Variants in HEATR5B observed in about 807,000 individuals in gnomAD.
The protein encoded by HEATR5B is HEAT repeat-containing protein 5B.
A neutral mutation model predicts 224.1 loss-of-function variants in HEATR5B; 156 were observed. That is an observed-to-expected ratio of 0.70 (90% CI 0.61 to 0.80). HEATR5B has a LOEUF of 0.80. HEATR5B is among the 30% of genes least tolerant of loss of function. HEATR5B has a pLI of 0.00. For missense variants in HEATR5B, 2,323 were observed against 2,535.5 expected, an observed-to-expected ratio of 0.92 and a Z score of 1.80; for synonymous variants, 1,027 against 893.0, an observed-to-expected ratio of 1.15 and a Z score of -2.68.
chr2:36,999,156 C>G (rs62133078), intron 33 of HEATR5B, among the ~76,000 whole-genome samples: 1 of 151,636 alleles, frequency 6.6e-6, no homozygotes, highest in Middle Eastern at 3.2e-3. Context: ...GAGGCGGAGG[C>G]TGTGGTGAGC....
intron 22 of HEATR5B, among the ~76,000 whole-genome samples, chr2:37,029,147 G>A (rs1668961881): frequency 6.6e-6 from 1 of 152,134 alleles, no homozygotes; most frequent in African/African-American, 2.4e-5. Context: ...CTGAGATATT[G>A]TAAACAAATC....
intron 33 of HEATR5B, among the ~76,000 whole-genome samples, chr2:36,992,129 C>G (rs1303916075): frequency 6.6e-6 from 1 of 152,010 alleles, no homozygotes; most frequent in Non-Finnish European, 1.5e-5. Context: ...ATCCGGGAAG[C>G]AGAGGTTGCA....
At position 37,049,850 on chromosome 2, in the gene HEATR5B, T is replaced by TTA; in HGVS notation, c.2506-8_2506-7insTA. 1.0e-6 allele frequency: 1 copy of TTA among 1,000,686 alleles called. No individual in the cohort carries two copies. Among genetic ancestry groups the TTA allele is most frequent in the Admixed American group, 5.0e-5 (1 of 20,174 alleles). The allele number at this position is 1,000,686 out of a possible 1,614,324, so 62.0% of individuals were successfully genotyped here. A position where few individuals can be genotyped will look rare whatever the true frequency, so the allele number is the denominator to read the frequency against. The stretch of plus-strand genomic sequence containing the variant: ...TTTTGTTTTCAGCTAAGCCCTACAT[T>TTA]AAAAAAAAAAAAAAAAAAAAGACAG... On this transcript the variant is annotated splice_polypyrimidine_tract_variant and splice_region_variant and intron_variant, in intron 17 of 35. Transcript: ENST00000233099.
In HEATR5B at chr2:37,064,749, G is replaced by A. The variant is rs376338251; in HGVS notation, c.1575C>T (p.Ala525=). The A allele has an allele frequency of 1.9e-6, 3 of 1,613,864 alleles. No individual in the cohort carries two copies. The highest frequency in any genetic ancestry group is 1.7e-6 in the Non-Finnish European group (2 of 1,179,936). Residue 525 remains alanine, a synonymous_variant, in exon 10 of 36, where the codon GCC becomes GCT. Coordinates refer to ENST00000233099, the MANE Select transcript of HEATR5B (RefSeq NM_019024.3). ...VHQCPLGIPH[A]KGKMVVSIAE... ...AGGATCTCCGTCATACCTTTCCTTTGGCATGAGGAATGCCCAAAGGACACT... is the reference window on the plus strand; with the variant it reads ...AGGATCTCCGTCATACCTTTCCTTTAGCATGAGGAATGCCCAAAGGACACT...
At chr2:37,020,857 C>CA in intron 24 of HEATR5B, 21 bp from the exon 25 acceptor site, 2 of 1,377,754 alleles carry the variant, frequency 1.5e-6, no homozygotes, top group Non-Finnish European at 1.9e-6. Context: ...AAATAGAATG[C>CA]AAAAATGAAA....
intron 12 of HEATR5B, 132 bp from the exon 13 acceptor site, chr2:37,059,119 G>A (rs1011911034): frequency 1.1e-5 from 5 of 468,204 alleles, no homozygotes; most frequent in South Asian, 7.0e-5. Flanking sequence ...AAACCATGTC[G>A]AACCAAAAGA....
Position 37,070,327 on chromosome 2 carries a change from C to G in HEATR5B, c.830G>C (p.Gly277Ala). The stretch of plus-strand genomic sequence containing the variant: ...GAAACCTGACCCTCCACGCAGAAAT[C>G]CTGTGGCCATGAGTTCTAAGACTTC... The part of the protein sequence containing the change: ...FDEVLELMAT[G>A]FLRGGSGFLK... Residue 277 changes from glycine to alanine, a missense_variant, in exon 7 of 36, where the codon GGA (glycine) becomes GCA (alanine). Around this residue, in one of 12 missense-constraint regions of HEATR5B, gnomAD observed 292 missense variants for 332.6 expected, o/e 0.88. Transcript: ENST00000233099. 1 of 1,614,046 alleles carries G rather than the reference C, an allele frequency of 6.2e-7. No homozygotes were observed. Among genetic ancestry groups the G allele is most frequent in the Non-Finnish European group, 8.5e-7 (1 of 1,179,926 alleles).
At chr2:37,001,265 G>A (rs1244355526) in intron 32 of HEATR5B, among the ~76,000 whole-genome samples, 3 of 152,060 alleles carry the variant, frequency 2.0e-5, no homozygotes, top group Non-Finnish European at 4.4e-5. Context: ...AGGACTACTG[G>A]GGCAAGGAAA....
intron 18 of HEATR5B, among the ~76,000 whole-genome samples, chr2:37,046,639 C>CAAA (rs531117028): frequency 1.1e-5 from 1 of 90,324 alleles, no homozygotes. Context: ...AACTCTGTCT[C>CAAA]AAAAAAAAAA....
rs1269393869 is a variant in HEATR5B at position 37,007,100 on chromosome 2, C to T, written c.4727G>A (p.Ser1576Asn). Residue 1576 changes from serine to asparagine, a missense_variant, in exon 29 of 36, where the codon AGT (serine) becomes AAT (asparagine). This residue lies in a region of HEATR5B where 844 missense variants were observed against 812.9 expected (regional missense o/e 1.04). Coordinates refer to ENST00000233099, the MANE Select transcript of HEATR5B (RefSeq NM_019024.3). ...NLNQASGAVG[S>N]AKSLPEINKD... ...GTTAATTTCTGGCAAAGATTTAGCA[C>T]TACCCACTGCTCCTGATGCCTGGTT... 6.2e-7 allele frequency: 1 copy of T among 1,614,098 alleles called. No homozygotes were observed. The highest frequency in any genetic ancestry group is 8.5e-7 in the Non-Finnish European group (1 of 1,179,972).
At chr2:37,067,726 C>T (rs568050372) in intron 8 of HEATR5B, among the ~76,000 whole-genome samples, 3 of 152,172 alleles carry the variant, frequency 2.0e-5, no homozygotes, top group Admixed American at 6.5e-5. Context: ...GAGCCAAGAT[C>T]GCACCACTGC....
intron 30 of HEATR5B, among the ~76,000 whole-genome samples, chr2:37,004,742 G>A (rs189263856): frequency 6.6e-6 from 1 of 152,182 alleles, no homozygotes; most frequent in East Asian, 1.9e-4. Context: ...TGGTTCTCCT[G>A]AAACTTCTCT....
intron 8 of HEATR5B, among the ~76,000 whole-genome samples, chr2:37,067,421 A>C (rs894677491): frequency 6.6e-6 from 1 of 152,228 alleles, no homozygotes; most frequent in African/African-American, 2.4e-5. Flanking sequence ...TATCTCATTA[A>C]TTTAAACACT....
intron 35 of HEATR5B, among the ~76,000 whole-genome samples, chr2:36,986,774 G>T (rs1665976786): frequency 6.6e-6 from 1 of 152,072 alleles, no homozygotes; most frequent in African/African-American, 2.4e-5. Flanking sequence ...ATACCACGAG[G>T]CCTGGCTAAT....
At chr2:37,045,817 G>T (rs982868697) in intron 18 of HEATR5B, among the ~76,000 whole-genome samples, 2 of 152,176 alleles carry the variant, frequency 1.3e-5, no homozygotes, top group Non-Finnish European at 2.9e-5. Flanking sequence ...GTAATCTGGA[G>T]CATCTTTAGT....
intron 18 of HEATR5B, 116 bp downstream of exon 18, chr2:37,049,537 C>A: frequency 1.1e-6 from 1 of 898,992 alleles, no homozygotes; most frequent in Non-Finnish European, 1.7e-6. Flanking sequence ...TACAAAAAAC[C>A]CACAAAATAT....
chr2:37,069,209 T>C (rs1281315964), intron 7 of HEATR5B, among the ~76,000 whole-genome samples: 1 of 152,192 alleles, frequency 6.6e-6, no homozygotes, highest in Non-Finnish European at 1.5e-5. Context: ...ACCCCAGTGA[T>C]CGGGAAGGTA....
At position 37,072,138 on chromosome 2, in the gene HEATR5B, G is replaced by C. The variant is rs763318834; in HGVS notation, c.741C>G (p.Ala247=). The C allele has an allele frequency of 1.2e-6, 2 of 1,613,774 alleles. No homozygotes were observed. The highest frequency in any genetic ancestry group is 1.3e-5 in the African/African-American group (1 of 74,876). ...AVSKLLGTVM[A]TALMPKQATV... ...TTGCCTGTTTTGGCATTAATGCTGT[G>C]GCCATGACTGTTCCTAAAAGTTTAG... Residue 247 remains alanine (A), a synonymous_variant, in exon 6 of 36, where the codon GCC becomes GCG. Coordinates refer to ENST00000233099, the MANE Select transcript of HEATR5B (RefSeq NM_019024.3).
At chr2:37,065,363 G>A (rs188561369) in intron 9 of HEATR5B, among the ~76,000 whole-genome samples, 185 of 151,870 alleles carry the variant, frequency 1.2e-3, no homozygotes, top group Non-Finnish European at 9.7e-4. Flanking sequence ...CCCCAGGCTG[G>A]AATGCAGTGG....
Sources: gnomAD v4.1 joint callset for allele counts (sites outside exome capture counted in the v4.1 genomes callset) on GRCh38, gnomAD v4.1.1 for gene constraint, gnomAD v4.1.1 regional missense constraint, MANE v1.5 for transcripts, NCBI Gene and HGNC (gene_info 2026-07-23, HGNC 2026-07-21) for gene names.